Variants in DPF3 observed in about 807,000 individuals in gnomAD.
DPF3 encodes zinc finger protein DPF3.
Under a neutral mutation model 56.8 loss-of-function variants are expected in DPF3, and 18 were observed. The ratio of observed to expected loss-of-function variants is 0.32; its 90% confidence interval spans 0.22 to 0.47. The LOEUF is 0.47. Among genes scored for constraint, DPF3 ranks in the 20% least tolerant of loss-of-function variants. The pLI, the probability that DPF3 is intolerant of heterozygous loss-of-function variation, is 1.00. For missense variants in DPF3, 403 were observed against 488.8 expected (o/e 0.82, Z 1.65); for synonymous variants, 188 against 180.2 (o/e 1.04, Z -0.35).
At chr14:72,829,826 C>G (rs955057610) in intron 1 of DPF3, among the ~76,000 whole-genome samples, 6 of 150,034 alleles carry the variant, frequency 4.0e-5, no homozygotes, top group Non-Finnish European at 8.9e-5. Context: ...TCATTGCAAC[C>G]TCACCTCCCA....
chr14:72,783,492 A>T (rs11158977), intron 1 of DPF3, among the ~76,000 whole-genome samples: 29,508 of 152,102 alleles, frequency 0.19, 3,604 homozygotes, highest in East Asian at 0.27. Flanking sequence ...GGAGACCCCC[A>T]GCACAGGGAA....
At chr14:72,635,091 C>A (rs1218116721) in intron 8 of DPF3, among the ~76,000 whole-genome samples, 1 of 152,164 alleles carries the variant, frequency 6.6e-6, no homozygotes, top group African/African-American at 2.4e-5. Flanking sequence ...CCAGAACTGA[C>A]CTCAATCCTC....
intron 3 of DPF3, among the ~76,000 whole-genome samples, chr14:72,746,076 T>A (rs959925491): frequency 6.6e-6 from 1 of 152,234 alleles, no homozygotes; most frequent in Non-Finnish European, 1.5e-5. Context: ...AAGGGCATCA[T>A]ACGTTTTGTA....
intron 1 of DPF3, among the ~76,000 whole-genome samples, chr14:72,884,971 T>TATATATACATA (rs10523148): frequency 1.8e-5 from 2 of 111,686 alleles, no homozygotes; most frequent in Non-Finnish European, 3.7e-5. Flanking sequence ...TATATATATA[T>TATATATACATA]TAGCCGGGCG....
chr14:72,660,643 TG>T (rs1336504159), intron 8 of DPF3, among the ~76,000 whole-genome samples: 1 of 152,250 alleles, frequency 6.6e-6, no homozygotes, highest in Non-Finnish European at 1.5e-5. Flanking sequence ...CTTGCATTTT[TG>T]TGCAAAACTT....
intron 6 of DPF3, among the ~76,000 whole-genome samples, chr14:72,707,073 G>A (rs796819844): frequency 2.8e-4 from 42 of 151,948 alleles, no homozygotes; most frequent in Admixed American, 1.6e-3. Flanking sequence ...GAGAATATGC[G>A]GTGTTTGGTT....
At chr14:72,808,580 AGT>A (rs1882893766) in intron 1 of DPF3, among the ~76,000 whole-genome samples, 2 of 152,200 alleles carry the variant, frequency 1.3e-5, no homozygotes, top group Admixed American at 6.5e-5. Flanking sequence ...AAATTTTAAT[AGT>A]GTGTGAAAAT....
intron 1 of DPF3, among the ~76,000 whole-genome samples, chr14:72,836,862 CA>C (rs1884318174): frequency 6.6e-6 from 1 of 151,978 alleles, no homozygotes; most frequent in South Asian, 2.1e-4. Flanking sequence ...CTTAATTGGT[CA>C]GAATAAAATC....
intron 1 of DPF3, chr14:72,836,038 G>A (rs766225653): frequency 4.1e-6 from 4 of 985,418 alleles, no homozygotes; most frequent in Non-Finnish European, 3.6e-6. Context: ...GGGTGCCTCG[G>A]GGAGATGCTG....
chr14:72,695,854 A>G (rs1887878749), intron 6 of DPF3, among the ~76,000 whole-genome samples: 1 of 152,186 alleles, frequency 6.6e-6, no homozygotes, highest in Non-Finnish European at 1.5e-5. Context: ...ATTAAAATAA[A>G]TAGGCCTATC....
chr14:72,640,088 AGCATT>A (rs1885510499), intron 8 of DPF3, among the ~76,000 whole-genome samples: 14 of 131,278 alleles, frequency 1.1e-4, no homozygotes, highest in Admixed American at 2.4e-4. Context: ...AAATGGAAAC[AGCATT>A]ACAGGGAAAG....
At chr14:72,835,294 C>T (rs1884244616) in intron 1 of DPF3, among the ~76,000 whole-genome samples, 1 of 152,178 alleles carries the variant, frequency 6.6e-6, no homozygotes. Flanking sequence ...TCTCAAACCC[C>T]TGACCTCGTG....
chr14:72,774,864 G>A (rs1407335877), intron 1 of DPF3, among the ~76,000 whole-genome samples: 2 of 152,178 alleles, frequency 1.3e-5, no homozygotes, highest in African/African-American at 2.4e-5. Flanking sequence ...CTGGTAACAA[G>A]GATCATGAGA....
chr14:72,670,625 T>C (rs1271681706), intron 8 of DPF3: 18 of 977,410 alleles, frequency 1.8e-5, no homozygotes, highest in African/African-American at 4.3e-5. Context: ...TTCGATTTCT[T>C]TGATTTCCCT....
At chr14:72,680,198 C>G (rs1887100869) in intron 7 of DPF3, among the ~76,000 whole-genome samples, 1 of 152,186 alleles carries the variant, frequency 6.6e-6, no homozygotes, top group African/African-American at 2.4e-5. Flanking sequence ...TCTCATGCTC[C>G]CACTCGCTGG....
At chr14:72,861,731 A>AAG (rs1555513976) in intron 1 of DPF3, among the ~76,000 whole-genome samples, 14 of 78,476 alleles carry the variant, frequency 1.8e-4, no homozygotes, top group East Asian at 3.0e-4. Context: ...GAGAGAAAGA[A>AAG]AGAAAGAGAA....
At position 72,771,837 on chromosome 14, in the gene DPF3, C is replaced by T. The variant is rs751176509; in HGVS notation, c.89G>A (p.Arg30Gln). The T allele has an allele frequency of 4.3e-6, 7 of 1,613,002 alleles. No homozygotes were observed. The Admixed American group carries it at 5.0e-5, about 12-fold the overall frequency. Reference sequence around the variant, plus strand: ...ACGCACGCTGCGCTCTGCACACAGCCGTGAGTTGTAACTCCGGCAGTGCTC... The same window carrying T: ...ACGCACGCTGCGCTCTGCACACAGCTGTGAGTTGTAACTCCGGCAGTGCTC... ...AIEHCRSYNS[R>Q]LCAERSVRLP... is the part of the protein sequence containing the mutation. Residue 30 changes from arginine to glutamine, a missense_variant, in exon 2 of 11, where the codon CGG becomes CAG. By Grantham distance (43) the Arg-to-Gln change is conservative. Coordinates refer to ENST00000556509, the MANE Select transcript of DPF3 (RefSeq NM_001280542.3).
At chr14:72,786,675 A>G (rs753832308) in intron 1 of DPF3, among the ~76,000 whole-genome samples, 3 of 152,226 alleles carry the variant, frequency 2.0e-5, no homozygotes. Context: ...AAAATAATAG[A>G]ATAGGAAACC....
chr14:72,679,082 G>A (rs1210575747), intron 7 of DPF3: 1 of 152,204 alleles, frequency 6.6e-6, no homozygotes, highest in African/African-American at 2.4e-5. Flanking sequence ...CTCGCTACAG[G>A]ATTTTTGAGT....
Sources: allele counts gnomAD v4.1 joint callset (sites outside exome capture counted in the v4.1 genomes callset), GRCh38; gene constraint gnomAD v4.1.1; transcripts MANE v1.5; gene names NCBI Gene and HGNC (gene_info 2026-07-23, HGNC 2026-07-21).